Variants in CEP128 observed in about 807,000 individuals in gnomAD.
CEP128 encodes centrosomal protein 128kDa.
In CEP128, 132 loss-of-function variants were observed where a neutral mutation model predicts 156.7. That is an observed-to-expected ratio of 0.84 (90% confidence interval 0.73 to 0.97). The LOEUF (loss-of-function observed/expected upper bound fraction) is 0.97. Ranked by LOEUF, CEP128 falls within the 50% of genes least tolerant of loss-of-function variation. The pLI is 0.00. For synonymous variants in CEP128, 469 were observed against 448.9 expected (o/e 1.04, Z -0.57); for missense variants, 1,252 against 1,281.9 (o/e 0.98, Z 0.36).
Position 80,633,088 on chromosome 14 carries a change from A to G in CEP128, c.2807-52665T>C, listed in dbSNP as rs531586724. ...CAAAAAAATAAAAAATTAGCTGGGTATGGTGATGTGTGTCTGTAGTCCCAG... is the reference window on the plus strand; with the variant it reads ...CAAAAAAATAAAAAATTAGCTGGGTGTGGTGATGTGTGTCTGTAGTCCCAG... On this transcript the variant is annotated intron_variant, in intron 19 of 24. Coordinates refer to ENST00000555265, the MANE Select transcript of CEP128 (RefSeq NM_152446.5). Among the ~76,000 whole-genome samples, 4 of 152,044 alleles carry G rather than the reference A, an allele frequency of 2.6e-5. No homozygotes were observed. The East Asian group carries it at 7.8e-4, about 29-fold the overall frequency.
intron 19 of CEP128, among the ~76,000 whole-genome samples, chr14:80,603,654 C>T (rs1892667705): frequency 6.6e-6 from 1 of 152,104 alleles, no homozygotes. Context: ...ATAGCAATCT[C>T]TCAATTAATA....
At chr14:80,672,721 G>C (rs1895893563) in intron 19 of CEP128, among the ~76,000 whole-genome samples, 1 of 152,092 alleles carries the variant, frequency 6.6e-6, no homozygotes, top group Non-Finnish European at 1.5e-5. Flanking sequence ...AAATGAGTTG[G>C]TTAGGTTTGT....
chr14:80,778,147 C>T, intron 15 of CEP128, 101 bp from the exon 16 acceptor site: 2 of 941,904 alleles, frequency 2.1e-6, no homozygotes, highest in Non-Finnish European at 3.3e-6. Flanking sequence ...TGCAAGATTT[C>T]AGCTCGTTCA....
intron 23 of CEP128, among the ~76,000 whole-genome samples, chr14:80,506,415 T>A (rs1018542690): frequency 1.7e-4 from 26 of 151,046 alleles, no homozygotes; most frequent in African/African-American, 6.3e-4. Flanking sequence ...GATTTATTTT[T>A]TTTTTTTTCA....
rs1892941853 is a variant in CEP128 at position 80,610,218 on chromosome 14, TC to T, written c.2807-29796del. ...AACCATTTATAGAATTATCAATCTT[TC>T]CCCCACTTATTTGAAATAAAATCTT... On this transcript the variant is annotated intron_variant, in intron 19 of 24. Coordinates refer to ENST00000555265, the MANE Select transcript of CEP128 (RefSeq NM_152446.5). Among the ~76,000 whole-genome samples the T allele has an allele frequency of 3.3e-5, 5 of 152,258 alleles. No homozygotes were observed. In the South Asian group the frequency reaches 1.0e-3, roughly 32 times the overall value.
At chr14:80,589,307 T>C (rs1891948296) in intron 19 of CEP128, among the ~76,000 whole-genome samples, 1 of 152,162 alleles carries the variant, frequency 6.6e-6, no homozygotes, top group Non-Finnish European at 1.5e-5. Context: ...TAATTCTTTA[T>C]AGCATTAATA....
At chr14:80,690,172 T>C (rs1896668946) in intron 19 of CEP128, among the ~76,000 whole-genome samples, 1 of 149,256 alleles carries the variant, frequency 6.7e-6, no homozygotes, top group South Asian at 2.1e-4. Flanking sequence ...TTTGGGAGGC[T>C]GAGGTGGGCG....
rs58804464 is a variant in CEP128, at chr14:80,610,071, C to T, written c.2807-29648G>A. On this transcript the variant is annotated intron_variant, in intron 19 of 24. Transcript: ENST00000555265. ...CATCTCCCTTTAATAAATGGTAGCA[C>T]GTTATATACCCATTTTTAAAAATAA... 5.8e-3 allele frequency among the ~76,000 whole-genome samples: 880 copies of T among 152,158 alleles called. 6 individuals carry two copies. The highest frequency in any genetic ancestry group is 0.02 in the African/African-American group (830 of 41,494).
At chr14:80,635,052 T>C (rs1894123402) in intron 19 of CEP128, among the ~76,000 whole-genome samples, 1 of 152,166 alleles carries the variant, frequency 6.6e-6, no homozygotes, top group Admixed American at 6.5e-5. Context: ...TTCTAAAATA[T>C]CTCCTCTTTT....
chr14:80,755,826 G>A (rs1410456888), intron 18 of CEP128, among the ~76,000 whole-genome samples: 1 of 152,146 alleles, frequency 6.6e-6, no homozygotes. Flanking sequence ...GGTCAGTGTG[G>A]TATTTTTCAT....
chr14:80,917,972 T>C (rs1955316200), intron 2 of CEP128, among the ~76,000 whole-genome samples: 1 of 152,198 alleles, frequency 6.6e-6, no homozygotes, highest in African/African-American at 2.4e-5. Context: ...AAGACAGGGT[T>C]AGAGAACATC....
chr14:80,717,544 C>A (rs1897652242), intron 19 of CEP128, among the ~76,000 whole-genome samples: 1 of 151,718 alleles, frequency 6.6e-6, no homozygotes, highest in Non-Finnish European at 1.5e-5. Flanking sequence ...TGATAGAGCA[C>A]CATCCCAAAG....
chr14:80,660,545 T>G (rs1390789635), intron 19 of CEP128, among the ~76,000 whole-genome samples: 3 of 152,132 alleles, frequency 2.0e-5, no homozygotes, highest in African/African-American at 4.8e-5. Context: ...TATTTGGGTA[T>G]AGACAGACGC....
chr14:80,740,543 T>TAGAC (rs376925365), intron 19 of CEP128, among the ~76,000 whole-genome samples: 3,953 of 142,772 alleles, frequency 0.028, 87 homozygotes, highest in Non-Finnish European at 0.034. Flanking sequence ...GATAGATAGA[T>TAGAC]AGACAGACAG....
chr14:80,804,326 G>T (rs1423112521), intron 13 of CEP128, among the ~76,000 whole-genome samples: 1 of 151,972 alleles, frequency 6.6e-6, no homozygotes, highest in Non-Finnish European at 1.5e-5. Context: ...AGTAGCAATT[G>T]CCTAAATGTA....
intron 14 of CEP128, among the ~76,000 whole-genome samples, chr14:80,788,224 G>C (rs1901513611): frequency 6.8e-6 from 1 of 147,948 alleles, no homozygotes; most frequent in South Asian, 2.2e-4. Flanking sequence ...GCCCTCAAAT[G>C]AATAGCCTTT....
At chr14:80,615,299 G>A (rs999520797) in intron 19 of CEP128, among the ~76,000 whole-genome samples, 17 of 152,172 alleles carry the variant, frequency 1.1e-4, no homozygotes, top group Admixed American at 9.2e-4. Flanking sequence ...TTAATATCCA[G>A]AGAATGATAA....
intron 4 of CEP128, among the ~76,000 whole-genome samples, chr14:80,912,772 AAT>A (rs565361124): frequency 3.6e-4 from 17 of 46,606 alleles, no homozygotes; most frequent in East Asian, 6.9e-4. Flanking sequence ...TGTAAAAAAA[AAT>A]AATAATAATA....
intron 2 of CEP128, chr14:80,955,409 A>C: frequency 1.9e-6 from 1 of 535,318 alleles, no homozygotes; most frequent in Non-Finnish European, 3.4e-6. Context: ...GTGTCAGGGA[A>C]CAGACGGAGC....
Sources: gnomAD v4.1 joint callset for allele counts (sites outside exome capture counted in the v4.1 genomes callset) on GRCh38, gnomAD v4.1.1 for gene constraint, MANE v1.5 for transcripts, NCBI Gene and HGNC (gene_info 2026-07-23, HGNC 2026-07-21) for gene names.